PLCD1: variants seen among roughly 807,000 people sequenced by gnomAD.
PLCD1 encodes the protein 1-phosphatidylinositol 4,5-bisphosphate phosphodiesterase delta-1.
In PLCD1, 71 loss-of-function variants were observed where a neutral mutation model predicts 87.4. That is an observed-to-expected ratio of 0.81 (90% CI 0.67 to 0.99). The LOEUF (loss-of-function observed/expected upper bound fraction) is 0.99. PLCD1 is among the 50% of genes least tolerant of loss of function. PLCD1 has a pLI of 0.00. For synonymous variants in PLCD1, 348 were observed against 399.2 expected, an observed-to-expected ratio of 0.87 and a Z score of 1.53; for missense variants, 867 against 1,001.5, an observed-to-expected ratio of 0.87 and a Z score of 1.81.
At chr3:38,011,086 G>A (rs1700065313) in intron 5 of PLCD1, 128 bp downstream of exon 5, 1 of 676,066 alleles carries the variant, frequency 1.5e-6, no homozygotes, top group Admixed American at 2.9e-5. Context: ...TGTGGAGCAG[G>A]GCCCCGGGGC....
Position 38,007,757 on chromosome 3 carries a change from A to C in PLCD1, c.*16T>G. 6.2e-7 allele frequency: 1 copy of C among 1,600,798 alleles called. No individual in the cohort carries two copies. The highest frequency in any genetic ancestry group is 8.6e-7 in the Non-Finnish European group (1 of 1,167,902). ...GCCCAGCCCACTCAGGGGGGACCCC[A>C]CTGGCTTCCTCCAGCCTAGTCCTGG... On this transcript the variant is annotated 3_prime_UTR_variant, in exon 15 of 15. Transcript: ENST00000334661.
At chr3:38,011,813 G>A (rs1431746972) in intron 3 of PLCD1, 140 bp from the exon 4 acceptor site, 2 of 782,384 alleles carry the variant, frequency 2.6e-6, no homozygotes, top group African/African-American at 3.5e-5. Context: ...ATGTTTCAGT[G>A]GCCTCTTCAG....
intron 1 of PLCD1, chr3:38,024,414 C>G (rs1452218989): frequency 6.2e-7 from 1 of 1,612,430 alleles, no homozygotes; most frequent in South Asian, 1.1e-5. Flanking sequence ...GCTCCGGCTC[C>G]GGATCCCCAG....
Position 38,014,947 on chromosome 3 carries a change from A to G in PLCD1, c.428+1544T>C, listed in dbSNP as rs978403575. Among the ~76,000 whole-genome samples, 3 of 152,222 alleles carry G rather than the reference A, an allele frequency of 2.0e-5. No individual in the cohort carries two copies. In the East Asian group the frequency reaches 5.8e-4, roughly 29 times the overall value. ...ACTTCATACCCACAGGGTGTCTATA[A>G]TCAAGACAAATGTAGTGTCAAGGAC... On this transcript the variant is annotated intron_variant, in intron 3 of 14. Coordinates refer to ENST00000334661, the MANE Select transcript of PLCD1 (RefSeq NM_006225.4).
At position 38,011,358 on chromosome 3, in the gene PLCD1, G is replaced by T; in HGVS notation, c.646C>A (p.Arg216Ser). The T allele has an allele frequency of 6.2e-7, 1 of 1,612,962 alleles. No homozygotes were observed. Among genetic ancestry groups the T allele is most frequent in the Non-Finnish European group, 8.5e-7 (1 of 1,180,028 alleles). Residue 216 changes from arginine (R) to serine (S), a missense_variant, in exon 5 of 15, where the codon CGC (arginine) becomes AGC (serine). Transcript: ENST00000334661. ...GAGCCCGCGGCCTCGGCGAAGGTGC[G>T]GTCGATCTCCACCCGCTGGGTCAGC... ...KMLTQRVEID[R>S]TFAEAAGSGE... is the part of the protein sequence containing the mutation.
intron 3 of PLCD1, among the ~76,000 whole-genome samples, chr3:38,015,256 T>C (rs1239828427): frequency 2.0e-5 from 3 of 152,156 alleles, no homozygotes; most frequent in African/African-American, 7.2e-5. Flanking sequence ...ACTAGACAAT[T>C]GGAAGGAATG....
Position 38,007,517 on chromosome 3 carries a change from T to G in PLCD1, c.*256A>C. 1.5e-6 allele frequency: 1 copy of G among 654,910 alleles called. No homozygotes were observed. Among genetic ancestry groups the G allele is most frequent in the Non-Finnish European group, 2.8e-6 (1 of 357,740 alleles). The allele number at this position is 654,910 out of a possible 1,614,324, so 40.6% of individuals were successfully genotyped here. A position where few individuals can be genotyped will look rare whatever the true frequency, so the allele number is the denominator to read the frequency against. On this transcript the variant is annotated 3_prime_UTR_variant, in exon 15 of 15. Transcript: ENST00000334661. ...AGGCTTAATCTTATCGTGATTTTTA[T>G]AAAAATCCTTGACCACTCGCTGGCC... is the stretch of plus-strand genomic sequence containing the variant.
At chr3:38,012,516 G>GTT (rs1207854387) in intron 3 of PLCD1, among the ~76,000 whole-genome samples, 59 of 134,636 alleles carry the variant, frequency 4.4e-4, no homozygotes, top group Admixed American at 5.3e-4. Context: ...TTAGAATGAA[G>GTT]TTTTTTTTTT....
rs113669468 is a variant in PLCD1 at position 38,017,020 on chromosome 3, G to A, written c.200-301C>T. 3.9e-5 allele frequency among the ~76,000 whole-genome samples: 6 copies of A among 151,908 alleles called. No individual in the cohort carries two copies. The highest frequency in any genetic ancestry group is 5.9e-5 in the Non-Finnish European group (4 of 67,966). On this transcript the variant is annotated intron_variant, in intron 2 of 14. Transcript: ENST00000334661. This position sits in a 1 kb window ranked among gnomAD's most constrained non-coding sequence, Gnocchi z 4.7. The stretch of plus-strand genomic sequence containing the variant: ...GTGAGAGAAAGACAGACTTTAGGGC[G>A]GAAAAGGCACCTGGGACCCCAGGCC...
At chr3:38,021,412 T>C (rs1246081898) in intron 1 of PLCD1, among the ~76,000 whole-genome samples, 1 of 152,090 alleles carries the variant, frequency 6.6e-6, no homozygotes, top group East Asian at 1.9e-4. Context: ...CCTGCCCCAC[T>C]CTTTTGCTGC....
rs769371840 is a variant in PLCD1 at position 38,011,357 on chromosome 3, C to T, written c.647G>A (p.Arg216His). Reference sequence around the variant, plus strand: ...TGAGCCCGCGGCCTCGGCGAAGGTGCGGTCGATCTCCACCCGCTGGGTCAG... The same window carrying T: ...TGAGCCCGCGGCCTCGGCGAAGGTGTGGTCGATCTCCACCCGCTGGGTCAG... ...KMLTQRVEID[R>H]TFAEAAGSGE... Residue 216 changes from arginine (R) to histidine (H), a missense_variant, in exon 5 of 15, where the codon CGC becomes CAC. Physicochemically the swap from Arg to His is conservative, Grantham distance 29. Coordinates refer to ENST00000334661, the MANE Select transcript of PLCD1 (RefSeq NM_006225.4). The T allele has an allele frequency of 9.9e-6, 16 of 1,612,820 alleles. No individual in the cohort carries two copies. The highest frequency in any genetic ancestry group is 1.1e-5 in the Non-Finnish European group (13 of 1,180,020).
intron 4 of PLCD1, 45 bp from the exon 5 acceptor site, chr3:38,011,490 C>T (rs776048689): frequency 6.2e-7 from 1 of 1,613,890 alleles, no homozygotes. Flanking sequence ...AGGCCTTGGG[C>T]CGGGGTCAAG....
At chr3:38,013,930 C>T (rs929645651) in intron 3 of PLCD1, among the ~76,000 whole-genome samples, 2 of 152,158 alleles carry the variant, frequency 1.3e-5, no homozygotes, top group Non-Finnish European at 2.9e-5. Context: ...AGTGGACATA[C>T]ACCAGCAATG....
In PLCD1 at chr3:38,007,758, C is replaced by T. The variant is rs746812860; in HGVS notation, c.*15G>A. 3 of 1,606,270 alleles carry T rather than the reference C, an allele frequency of 1.9e-6. No individual in the cohort carries two copies. Among genetic ancestry groups the T allele is most frequent in the Admixed American group, 1.7e-5 (1 of 59,998 alleles). Reference sequence around the variant, plus strand: ...CCCAGCCCACTCAGGGGGGACCCCACTGGCTTCCTCCAGCCTAGTCCTGGA... The same window carrying T: ...CCCAGCCCACTCAGGGGGGACCCCATTGGCTTCCTCCAGCCTAGTCCTGGA... On this transcript the variant is annotated 3_prime_UTR_variant, in exon 15 of 15. Coordinates refer to ENST00000334661, the MANE Select transcript of PLCD1 (RefSeq NM_006225.4).
At position 38,009,634 on chromosome 3, in the gene PLCD1, C is replaced by T. The variant is rs751381957; in HGVS notation, c.1446+19G>A. On this transcript the variant is annotated intron_variant, in intron 9 of 14. Transcript: ENST00000334661. Reference sequence around the variant, plus strand: ...TGGGGAAGGCCCGGGCTGCCCCACCCCACAGCTCCCCCTCAAACCTTGGGC... The same window carrying T: ...TGGGGAAGGCCCGGGCTGCCCCACCTCACAGCTCCCCCTCAAACCTTGGGC... The T allele has an allele frequency of 6.2e-7, 1 of 1,613,992 alleles. No individual in the cohort carries two copies.
intron 3 of PLCD1, among the ~76,000 whole-genome samples, chr3:38,013,445 C>T (rs992238090): frequency 2.0e-5 from 3 of 150,860 alleles, no homozygotes; most frequent in African/African-American, 7.3e-5. Flanking sequence ...GATCTCCTGA[C>T]CTGGTGATCC....
chr3:38,024,850 C>A (rs895470673), intron 1 of PLCD1: 2 of 641,142 alleles, frequency 3.1e-6, no homozygotes, highest in Non-Finnish European at 4.5e-6. Context: ...AGGGGTGGGA[C>A]TAACGACCCC....
Position 38,010,523 on chromosome 3 carries a change from A to C in PLCD1, c.830T>G (p.Met277Arg), listed in dbSNP as rs769416145. The change falls in exon 6 of 15, where the codon ATG (methionine) becomes AGG (arginine). Residue 277 changes from methionine to arginine, a missense_variant. By Grantham distance (91) the Met-to-Arg change is moderately conservative (BLOSUM62 -1). Coordinates refer to ENST00000334661, the MANE Select transcript of PLCD1 (RefSeq NM_006225.4). ...GCTGCCGTCAGCCGACAGTAAGTAC[A>C]TGAGGAAGCCGTCCTTGGTCATCTG... ...QRQMTKDGFL[M>R]YLLSADGSAF... The C allele has an allele frequency of 1.2e-6, 2 of 1,614,016 alleles. No homozygotes were observed. The highest frequency in any genetic ancestry group is 4.5e-5 in the East Asian group (2 of 44,880).
At chr3:38,012,884 T>A (rs1031829687) in intron 3 of PLCD1, among the ~76,000 whole-genome samples, 2 of 151,104 alleles carry the variant, frequency 1.3e-5, no homozygotes, top group African/African-American at 4.9e-5. Context: ...TTCCTCCTAA[T>A]ATTTTTTTCT....
Sources: allele counts gnomAD v4.1 joint callset (sites outside exome capture counted in the v4.1 genomes callset), GRCh38; gene constraint gnomAD v4.1.1; non-coding constraint Gnocchi (gnomAD v3.1); transcripts MANE v1.5; gene names NCBI Gene and HGNC (gene_info 2026-07-23, HGNC 2026-07-21).